The following DPP10 variants were observed in gnomAD, a reference collection of about 807,000 sequenced individuals.
DPP10 encodes dipeptidyl peptidase like 10.
In DPP10, 33 loss-of-function variants were observed where a neutral mutation model predicts 120.9. That is an observed-to-expected ratio of 0.27 (90% CI 0.21 to 0.37). DPP10 has a LOEUF of 0.37. Among genes scored for constraint, DPP10 ranks in the 10% least tolerant of loss-of-function variants. The pLI, the probability that DPP10 is intolerant of heterozygous loss-of-function variation, is 1.00. For missense variants in DPP10, 816 were observed against 942.8 expected (o/e 0.87, Z 1.76); for synonymous variants, 337 against 326.1 (o/e 1.03, Z -0.36).
intron 1 of DPP10, among the ~76,000 whole-genome samples, chr2:115,030,101 T>C (rs1703736234): frequency 6.6e-6 from 1 of 152,148 alleles, no homozygotes; most frequent in African/African-American, 2.4e-5. Context: ...TCCTACCTAA[T>C]ATGTTGTCTC....
At chr2:115,166,524 A>G (rs1453488815) in intron 1 of DPP10, among the ~76,000 whole-genome samples, 1 of 142,138 alleles carries the variant, frequency 7.0e-6, no homozygotes, top group Non-Finnish European at 1.5e-5. Context: ...TTATAATATA[A>G]ATATATATAT....
chr2:114,758,662 T>C (rs1680007484), intron 1 of DPP10, among the ~76,000 whole-genome samples: 2 of 152,178 alleles, frequency 1.3e-5, no homozygotes, highest in Non-Finnish European at 2.9e-5. Context: ...AATAAATGTA[T>C]GGGCTCAAAT....
At chr2:115,406,011 A>G (rs1302783313) in intron 3 of DPP10, among the ~76,000 whole-genome samples, 1 of 152,154 alleles carries the variant, frequency 6.6e-6, no homozygotes, top group Non-Finnish European at 1.5e-5. Context: ...GCTGTACCGC[A>G]CCCTTGGCTT....
intron 1 of DPP10, among the ~76,000 whole-genome samples, chr2:114,599,841 T>C (rs1195932219): frequency 6.6e-6 from 1 of 151,726 alleles, no homozygotes; most frequent in Non-Finnish European, 1.5e-5. Flanking sequence ...TTAATTATTG[T>C]TTGTGGCTAG....
At chr2:115,712,262 C>T (rs2092342801) in intron 7 of DPP10, among the ~76,000 whole-genome samples, 1 of 150,572 alleles carries the variant, frequency 6.6e-6, no homozygotes, top group South Asian at 2.1e-4. Context: ...AGATAGCTCA[C>T]ATGCATGGTT....
At chr2:115,790,071 ATTTTT>A (rs70941099) in intron 17 of DPP10, among the ~76,000 whole-genome samples, 16 of 118,190 alleles carry the variant, frequency 1.4e-4, no homozygotes, top group Admixed American at 3.4e-4. Flanking sequence ...TTAGAAGGCT[ATTTTT>A]TTTTTTTTTT....
intron 3 of DPP10, among the ~76,000 whole-genome samples, chr2:115,456,292 A>G (rs843416): frequency 6.6e-6 from 1 of 151,900 alleles, no homozygotes; most frequent in Non-Finnish European, 1.5e-5. Flanking sequence ...ATGGCAATCA[A>G]TAAAAAGTCA....
At chr2:115,673,096 T>C (rs1174219304) in intron 5 of DPP10, among the ~76,000 whole-genome samples, 2 of 152,156 alleles carry the variant, frequency 1.3e-5, no homozygotes, top group African/African-American at 4.8e-5. Flanking sequence ...TATATAACAA[T>C]TAAAACCCTC....
chr2:114,837,221 T>G (rs958235712), intron 1 of DPP10, among the ~76,000 whole-genome samples: 9 of 152,206 alleles, frequency 5.9e-5, no homozygotes, highest in Non-Finnish European at 7.3e-5. Context: ...GTTCAGAGAT[T>G]GCAGTAAAGA....
At chr2:114,844,297 A>C (rs968800204) in intron 1 of DPP10, among the ~76,000 whole-genome samples, 2 of 152,038 alleles carry the variant, frequency 1.3e-5, no homozygotes, top group African/African-American at 4.8e-5. Context: ...TAGTTTCCTC[A>C]AATGCTAAAT....
intron 1 of DPP10, among the ~76,000 whole-genome samples, chr2:115,299,467 T>C (rs1259346100): frequency 6.6e-6 from 1 of 152,026 alleles, no homozygotes; most frequent in Non-Finnish European, 1.5e-5. Context: ...AAGAATTGGC[T>C]GTCTAACTTG....
chr2:114,599,125 A>T (rs2105214992), intron 1 of DPP10, among the ~76,000 whole-genome samples: 1 of 152,016 alleles, frequency 6.6e-6, no homozygotes, highest in Non-Finnish European at 1.5e-5. Context: ...ACAGGTGTAT[A>T]CATAACTTGT....
intron 1 of DPP10, among the ~76,000 whole-genome samples, chr2:115,052,867 A>T (rs1485746004): frequency 6.7e-6 from 1 of 150,332 alleles, no homozygotes. Context: ...CAGGAGAATC[A>T]CTTGAACCTG....
chr2:114,780,831 G>T (rs319844), intron 1 of DPP10, among the ~76,000 whole-genome samples: 72,589 of 151,802 alleles, frequency 0.48, 18,513 homozygotes, highest in African/African-American at 0.64. Flanking sequence ...GAATGAAAAT[G>T]TTGCACATGT....
chr2:114,731,742 TC>T (rs890440079), intron 1 of DPP10, among the ~76,000 whole-genome samples: 1 of 152,004 alleles, frequency 6.6e-6, no homozygotes, highest in African/African-American at 2.4e-5. Context: ...TACTCACAGG[TC>T]CCAGAGAAGA....
At chr2:114,927,727 T>C (rs1382781703) in intron 1 of DPP10, among the ~76,000 whole-genome samples, 2 of 152,178 alleles carry the variant, frequency 1.3e-5, no homozygotes, top group African/African-American at 2.4e-5. Flanking sequence ...TAAAGGAGTA[T>C]CTGAAGTTGG....
intron 2 of DPP10, among the ~76,000 whole-genome samples, chr2:115,317,783 C>A (rs1340778338): frequency 6.6e-6 from 1 of 151,948 alleles, no homozygotes; most frequent in Non-Finnish European, 1.5e-5. Flanking sequence ...AAAGATAGAT[C>A]TATTTAAGCC....
Position 114,507,082 on chromosome 2 carries a change from C to G in DPP10, c.60+64244C>G, listed in dbSNP as rs192167776. 8.0e-3 allele frequency among the ~76,000 whole-genome samples: 1,132 copies of G among 142,074 alleles called. 14 individuals carry two copies. The highest frequency in any genetic ancestry group is 0.029 in the African/African-American group (1,086 of 37,800). The allele number at this position is 142,074 out of a possible 152,430, so 93.2% of individuals were successfully genotyped here. A position where few individuals can be genotyped will look rare whatever the true frequency, so the allele number is the denominator to read the frequency against. On this transcript the variant is annotated intron_variant, in intron 1 of 25. Transcript: ENST00000410059. ...TTTTTTTTTGAGACAGGGTCTCACTCTGTTGCCCAGGCTGGAGTACAGTGG... is the reference window on the plus strand; with the variant it reads ...TTTTTTTTTGAGACAGGGTCTCACTGTGTTGCCCAGGCTGGAGTACAGTGG...
intron 1 of DPP10, among the ~76,000 whole-genome samples, chr2:114,533,631 A>G (rs1327824781): frequency 2.0e-5 from 3 of 151,980 alleles, no homozygotes; most frequent in Non-Finnish European, 4.4e-5. Flanking sequence ...ATAAAAATTA[A>G]AAAAAAAGAA....
Sources: gnomAD v4.1 joint callset for allele counts (sites outside exome capture counted in the v4.1 genomes callset) on GRCh38, gnomAD v4.1.1 for gene constraint, MANE v1.5 for transcripts, NCBI Gene and HGNC (gene_info 2026-07-23, HGNC 2026-07-21) for gene names.